Variants in CEP85L observed in about 807,000 individuals in gnomAD.
CEP85L encodes centrosomal protein of 85 kDa-like.
In CEP85L, 60 loss-of-function variants were observed where a neutral mutation model predicts 100.3. The ratio of observed to expected loss-of-function variants is 0.60; its 90% CI spans 0.49 to 0.74. CEP85L has a LOEUF of 0.74. Ranked by LOEUF, CEP85L falls within the 30% of genes least tolerant of loss-of-function variation. The pLI is 0.00. For missense variants in CEP85L, 973 were observed against 936.2 expected, an observed-to-expected ratio of 1.04 and a Z score of -0.51; for synonymous variants, 319 against 322.7, an observed-to-expected ratio of 0.99 and a Z score of 0.12.
chr6:118,491,239 A>ACACG (rs55963304), intron 6 of CEP85L, among the ~76,000 whole-genome samples: 5 of 122,702 alleles, frequency 4.1e-5, no homozygotes, highest in Admixed American at 3.7e-4. Context: ...ACACACACAC[A>ACACG]TATGCATGCA....
chr6:118,502,541 T>C (rs922870371), intron 5 of CEP85L: 47 of 486,502 alleles, frequency 9.7e-5, no homozygotes, highest in African/African-American at 3.9e-5. Context: ...ATACTCAAGA[T>C]AGGCTCATGG....
At chr6:118,708,992 G>C (rs1484406094) in intron 1 of CEP85L, among the ~76,000 whole-genome samples, 4 of 152,074 alleles carry the variant, frequency 2.6e-5, no homozygotes, top group African/African-American at 9.7e-5. Context: ...AACACTAAAA[G>C]CAAACAAAAC....
At chr6:118,536,666 A>G (rs1562240171) in intron 3 of CEP85L, among the ~76,000 whole-genome samples, 1 of 152,096 alleles carries the variant, frequency 6.6e-6, no homozygotes, top group Admixed American at 6.6e-5. Context: ...CACATCTGCA[A>G]CTAGCCATGA....
intron 1 of CEP85L, among the ~76,000 whole-genome samples, chr6:118,648,691 G>A (rs982700831): frequency 4.8e-5 from 7 of 146,808 alleles, no homozygotes; most frequent in Admixed American, 6.8e-5. Flanking sequence ...GCAGTGAGCC[G>A]AGATCGCGCC....
At chr6:118,581,995 C>T (rs1281793627) in intron 2 of CEP85L, among the ~76,000 whole-genome samples, 1 of 152,152 alleles carries the variant, frequency 6.6e-6, no homozygotes, top group Non-Finnish European at 1.5e-5. Context: ...CCCTGTGAAA[C>T]AGCCCAGACC....
chr6:118,517,331 G>A (rs1308798987), intron 4 of CEP85L, among the ~76,000 whole-genome samples: 1 of 152,096 alleles, frequency 6.6e-6, no homozygotes, highest in Non-Finnish European at 1.5e-5. Context: ...AATTACTTTG[G>A]GAAGCATAAC....
At chr6:118,624,989 T>C (rs1424796104) in intron 2 of CEP85L, among the ~76,000 whole-genome samples, 1 of 152,238 alleles carries the variant, frequency 6.6e-6, no homozygotes, top group African/African-American at 2.4e-5. Context: ...AACTAACTAC[T>C]GGATGTGTCT....
At chr6:118,637,506 T>C (rs1198431884) in intron 1 of CEP85L, among the ~76,000 whole-genome samples, 1 of 146,890 alleles carries the variant, frequency 6.8e-6, no homozygotes, top group East Asian at 2.0e-4. Flanking sequence ...AAGACCAGCC[T>C]GGAAAACATG....
intron 2 of CEP85L, among the ~76,000 whole-genome samples, chr6:118,572,154 C>T (rs76941772): frequency 2.6e-5 from 4 of 151,882 alleles, no homozygotes; most frequent in East Asian, 1.9e-4. Context: ...CCACTCCTGG[C>T]CCAGGTAATA....
intron 2 of CEP85L, among the ~76,000 whole-genome samples, chr6:118,569,331 G>T (rs1186640617): frequency 1.1e-5 from 1 of 90,818 alleles, no homozygotes; most frequent in Non-Finnish European, 1.9e-5. Flanking sequence ...GACAAGGCTA[G>T]ACTCTGTCTC....
chr6:118,652,149 A>G (rs757070826), upstream of CEP85L, among the ~76,000 whole-genome samples: 7 of 152,158 alleles, frequency 4.6e-5, no homozygotes, highest in Non-Finnish European at 8.8e-5. Context: ...TGTGCACCGG[A>G]AAAGGCCCGG....
rs371812819 is a variant in CEP85L, at chr6:118,469,178, G to C, written c.2148C>G (p.Phe716Leu). 6.2e-7 allele frequency: 1 copy of C among 1,614,010 alleles called. No individual in the cohort carries two copies. The highest frequency in any genetic ancestry group is 2.2e-5 in the East Asian group (1 of 44,870). ...CAAACAAACAACAGGACATTTCCTT[G>C]AACAGCTGATCAATCACAGTCAAAT... ...LFDLTVIDQL[F>L]KEMSCCLFDL... Residue 716 changes from phenylalanine (F) to leucine (L), a missense_variant, in exon 12 of 13, where the codon TTC (phenylalanine) becomes TTG (leucine). Physicochemically the swap from Phe to Leu is conservative, Grantham distance 22. Coordinates refer to ENST00000368491, the MANE Select transcript of CEP85L (RefSeq NM_001042475.3).
Position 118,651,326 on chromosome 6 carries a change from T to G in CEP85L, c.-57A>C, listed in dbSNP as rs1001291615. The G allele has an allele frequency of 1.4e-6, 2 of 1,395,486 alleles. No individual in the cohort carries two copies. The highest frequency in any genetic ancestry group is 9.3e-7 in the Non-Finnish European group (1 of 1,075,624). The allele number at this position is 1,395,486 out of a possible 1,614,324, so 86.4% of individuals were successfully genotyped here. On this transcript the variant is annotated 5_prime_UTR_variant, in exon 1 of 13. Coordinates refer to ENST00000368491, the MANE Select transcript of CEP85L (RefSeq NM_001042475.3). Reference sequence around the variant, plus strand: ...GCCCGACTCCTCACGTCCGTCCTCCTGCTTCTTCGGCGGCGGAAACTTGCG... The same window carrying G: ...GCCCGACTCCTCACGTCCGTCCTCCGGCTTCTTCGGCGGCGGAAACTTGCG...
At chr6:118,580,775 T>A (rs955929403) in intron 2 of CEP85L, among the ~76,000 whole-genome samples, 5 of 152,238 alleles carry the variant, frequency 3.3e-5, no homozygotes, top group African/African-American at 9.6e-5. Flanking sequence ...TATCCGGTCA[T>A]GAAACTTTCC....
At chr6:118,496,788 C>T (rs752300565) in intron 5 of CEP85L, among the ~76,000 whole-genome samples, 2 of 152,302 alleles carry the variant, frequency 1.3e-5, no homozygotes, top group South Asian at 4.1e-4. Flanking sequence ...ACAAAACTTG[C>T]TTACTTATGT....
At chr6:118,505,338 G>A (rs13209585) in intron 5 of CEP85L, among the ~76,000 whole-genome samples, 1 of 146,120 alleles carries the variant, frequency 6.8e-6, no homozygotes, top group Non-Finnish European at 1.5e-5. Context: ...CTACTCAGGA[G>A]GCTGAGGCAG....
chr6:118,572,649 A>G (rs978771880), intron 2 of CEP85L, among the ~76,000 whole-genome samples: 1 of 152,206 alleles, frequency 6.6e-6, no homozygotes, highest in Non-Finnish European at 1.5e-5. Context: ...AATATTCTAA[A>G]CCACACACTG....
At chr6:118,692,151 G>T (rs527832257) in intron 1 of CEP85L, among the ~76,000 whole-genome samples, 19 of 152,252 alleles carry the variant, frequency 1.2e-4, no homozygotes, top group African/African-American at 4.3e-4. Context: ...TTGAGAATAT[G>T]TACTTGCAGA....
chr6:118,709,186 G>A (rs117704939), intron 1 of CEP85L, among the ~76,000 whole-genome samples: 3,725 of 152,084 alleles, frequency 0.024, 74 homozygotes, highest in Middle Eastern at 0.092. Context: ...GGAGGGTAGC[G>A]ACCTCCATGA....
Sources: gnomAD v4.1 joint callset for allele counts (sites outside exome capture counted in the v4.1 genomes callset) on GRCh38, gnomAD v4.1.1 for gene constraint, MANE v1.5 for transcripts, NCBI Gene and HGNC (gene_info 2026-07-23, HGNC 2026-07-21) for gene names.